SAFB: variants seen among roughly 807,000 people sequenced by gnomAD.
SAFB encodes the protein scaffold attachment factor B1.
A neutral mutation model predicts 101.6 loss-of-function variants in SAFB; 15 were observed. That is an observed-to-expected ratio of 0.15 (90% CI 0.10 to 0.23). The LOEUF (loss-of-function observed/expected upper bound fraction) is 0.23, where lower values mean the gene tolerates loss of function less well. Ranked by LOEUF, SAFB falls within the 10% of genes least tolerant of loss-of-function variation. The pLI is 1.00. For synonymous variants in SAFB, 449 were observed against 407.5 expected, an observed-to-expected ratio of 1.10 and a Z score of -1.23; for missense variants, 930 against 1,104.1, an observed-to-expected ratio of 0.84 and a Z score of 2.23.
At chr19:5,634,491 T>C (rs1265285646) in intron 2 of SAFB, among the ~76,000 whole-genome samples, 5 of 151,982 alleles carry the variant, frequency 3.3e-5, no homozygotes, top group Admixed American at 2.6e-4. Context: ...TTTTATAATA[T>C]AGTAATAAGA....
intron 14 of SAFB, among the ~76,000 whole-genome samples, chr19:5,659,264 C>G (rs1395477386): frequency 1.3e-5 from 2 of 152,088 alleles, no homozygotes; most frequent in Non-Finnish European, 2.9e-5. Context: ...AAGATTCCAC[C>G]ATTGCACTCC....
chr19:5,661,479 G>C, intron 14 of SAFB, 39 bp from the exon 15 acceptor site: 1 of 1,605,012 alleles, frequency 6.2e-7, no homozygotes, highest in Non-Finnish European at 8.5e-7. Flanking sequence ...CCTGGCTGGG[G>C]GTGTCTAGGT....
rs745416473 is a variant in SAFB, at chr19:5,623,391, G to A, written c.186G>A (p.Lys62=). The change falls in exon 1 of 21, where the codon AAG becomes AAA. Residue 62 remains lysine (K), a synonymous_variant. Transcript: ENST00000588852. Reference sequence around the variant, plus strand: ...AGAGCGTTTTGATGGAGCGGCTGAAGAAGGTGGATTTGGGGCCCCGAGGGC... The same window carrying A: ...AGAGCGTTTTGATGGAGCGGCTGAAAAAGGTGGATTTGGGGCCCCGAGGGC... ...GNKSVLMERL[K]KAIEDEGGNP... 4 of 1,613,050 alleles carry A rather than the reference G, an allele frequency of 2.5e-6. No individual in the cohort carries two copies. The highest frequency in any genetic ancestry group is 1.3e-5 in the African/African-American group (1 of 74,914).
At chr19:5,654,746 T>C (rs1203088124) in intron 13 of SAFB, among the ~76,000 whole-genome samples, 1 of 152,102 alleles carries the variant, frequency 6.6e-6, no homozygotes, top group Non-Finnish European at 1.5e-5. Flanking sequence ...ATTATCTTTT[T>C]AGTAGAAACA....
chr19:5,638,937 T>C (rs1377792850), intron 2 of SAFB, among the ~76,000 whole-genome samples: 1 of 151,548 alleles, frequency 6.6e-6, no homozygotes, highest in Non-Finnish European at 1.5e-5. Context: ...GGCCAGGCTG[T>C]TCTCAAACTC....
intron 1 of SAFB, among the ~76,000 whole-genome samples, chr19:5,626,096 TAG>T (rs2053352792): frequency 6.6e-6 from 1 of 152,160 alleles, no homozygotes; most frequent in Non-Finnish European, 1.5e-5. Context: ...TCATGGCTAG[TAG>T]AGTCCTCACA....
At chr19:5,666,967 A>C in intron 17 of SAFB, 79 bp from the exon 18 acceptor site, 1 of 864,606 alleles carries the variant, frequency 1.2e-6, no homozygotes, top group South Asian at 1.3e-5. Context: ...TGTCATCGTT[A>C]GCATGTTGCC....
At chr19:5,648,103 C>G (rs1312051945) in intron 6 of SAFB, 60 bp downstream of exon 6, 3 of 1,359,836 alleles carry the variant, frequency 2.2e-6, no homozygotes, top group Admixed American at 3.9e-5. Flanking sequence ...TTTCCACCTT[C>G]TCTAATTTGA....
rs1330414222 is a variant in SAFB, at chr19:5,668,281, G to A, written c.2744G>A (p.Arg915His). 7.4e-6 allele frequency: 12 copies of A among 1,611,538 alleles called. No individual in the cohort carries two copies. The highest frequency in any genetic ancestry group is 3.4e-5 in the Admixed American group (2 of 59,456). The change falls in exon 21 of 21, where the codon CGC (arginine) becomes CAC (histidine). Residue 915 changes from arginine (R) to histidine (H), a missense_variant. Arg to His is a conservative substitution (Grantham distance 29, BLOSUM62 0). Transcript: ENST00000588852. ...GSRPSDARFT[R>H]RY ...AGGCCCAGCGATGCCCGCTTCACTCGCCGCTACTGAGTACTTGGAATCCTG... is the reference window on the plus strand; with the variant it reads ...AGGCCCAGCGATGCCCGCTTCACTCACCGCTACTGAGTACTTGGAATCCTG...
chr19:5,664,337 C>A, intron 16 of SAFB, 60 bp from the exon 17 acceptor site: 1 of 1,517,624 alleles, frequency 6.6e-7, no homozygotes, highest in South Asian at 1.1e-5. Flanking sequence ...GCCTGATGGT[C>A]CTCTCTTTGT....
intron 20 of SAFB, 135 bp from the exon 21 acceptor site, chr19:5,668,027 G>A: frequency 1.4e-6 from 2 of 1,429,250 alleles, no homozygotes; most frequent in Non-Finnish European, 9.5e-7. Context: ...TACTGTGGAG[G>A]CTGCTGCCAC....
intron 5 of SAFB, among the ~76,000 whole-genome samples, chr19:5,647,076 A>G (rs1165282608): frequency 6.6e-6 from 1 of 152,252 alleles, no homozygotes; most frequent in Non-Finnish European, 1.5e-5. Flanking sequence ...AGTGCCCATC[A>G]GTTGACTGGA....
At chr19:5,653,010 C>T in intron 9 of SAFB, 105 bp from the exon 10 acceptor site, 2 of 1,151,748 alleles carry the variant, frequency 1.7e-6, no homozygotes, top group Non-Finnish European at 2.5e-6. Context: ...CAGTCTAACA[C>T]TTGTCGGACC....
intron 2 of SAFB, among the ~76,000 whole-genome samples, chr19:5,639,105 T>C (rs1021599325): frequency 5.9e-5 from 9 of 152,192 alleles, no homozygotes; most frequent in Non-Finnish European, 1.0e-4. Context: ...TGGAAGAGAA[T>C]GGAAACAAGT....
chr19:5,624,210 C>T (rs1410312012), intron 1 of SAFB, among the ~76,000 whole-genome samples: 5 of 151,112 alleles, frequency 3.3e-5, no homozygotes, highest in African/African-American at 7.3e-5. Context: ...CCTTCTGAGT[C>T]CTCTTTTCTA....
Position 5,661,641 on chromosome 19 carries a change from G to C in SAFB, c.1986G>C (p.Glu662Asp), listed in dbSNP as rs1275121952. The C allele has an allele frequency of 6.2e-7, 1 of 1,612,332 alleles. No homozygotes were observed. Among genetic ancestry groups the C allele is most frequent in the East Asian group, 2.2e-5 (1 of 44,870 alleles). The change falls in exon 15 of 21, where the codon GAG (glutamate) becomes GAC (aspartate). Residue 662 changes from glutamate to aspartate, a missense_variant. Physicochemically the swap from Glu to Asp is conservative, Grantham distance 45. This residue lies in a region of SAFB where 159 missense variants were observed against 234.1 expected (regional missense o/e 0.68). Transcript: ENST00000588852. ...TCCAGCGCCAGCGGCTGGAGCGGGA[G>C]CGCATGGAGCGGGAACGGCTGGAGC... is the stretch of plus-strand genomic sequence containing the variant. ...LAFQRQRLER[E>D]RMERERLERE...
chr19:5,631,942 G>A (rs1393934448), intron 2 of SAFB, among the ~76,000 whole-genome samples: 2 of 152,136 alleles, frequency 1.3e-5, no homozygotes, highest in African/African-American at 4.8e-5. Context: ...AGCTACTCAG[G>A]AGACTGAGGT....
Position 5,661,617 on chromosome 19 carries a change from C to A in SAFB, c.1962C>A (p.Phe654Leu). 4 of 1,612,582 alleles carry A rather than the reference C, an allele frequency of 2.5e-6. No homozygotes were observed. Among genetic ancestry groups the A allele is most frequent in the Non-Finnish European group, 3.4e-6 (4 of 1,179,806 alleles). ...RLEIARERLAFQRQRLERERM... is the reference protein window; with the variant it reads ...RLEIARERLALQRQRLERERM... ...AGATTGCCCGAGAGAGGCTGGCCTTCCAGCGCCAGCGGCTGGAGCGGGAGC... is the reference window on the plus strand; with the variant it reads ...AGATTGCCCGAGAGAGGCTGGCCTTACAGCGCCAGCGGCTGGAGCGGGAGC... The change falls in exon 15 of 21, where the codon TTC (phenylalanine) becomes TTA (leucine). Residue 654 changes from phenylalanine (F) to leucine (L), a missense_variant. Coordinates refer to ENST00000588852, the MANE Select transcript of SAFB (RefSeq NM_001201338.2).
intron 15 of SAFB, among the ~76,000 whole-genome samples, chr19:5,662,411 G>C (rs187553661): frequency 6.6e-6 from 1 of 151,576 alleles, no homozygotes; most frequent in Non-Finnish European, 1.5e-5. Flanking sequence ...GGAAAATCGC[G>C]TGTACCCAGG....
Sources: gnomAD v4.1 joint callset for allele counts (sites outside exome capture counted in the v4.1 genomes callset) on GRCh38, gnomAD v4.1.1 for gene constraint, gnomAD v4.1.1 regional missense constraint, MANE v1.5 for transcripts, NCBI Gene and HGNC (gene_info 2026-07-23, HGNC 2026-07-21) for gene names.